NDUFS4: variants seen among roughly 807,000 people sequenced by gnomAD.
NDUFS4 encodes the protein NADH dehydrogenase [ubiquinone] iron-sulfur protein 4, mitochondrial.
In NDUFS4, 28 loss-of-function variants were observed where a neutral mutation model predicts 24.3. That is an observed-to-expected ratio of 1.15 (90% CI 0.85 to 1.58). The LOEUF is 1.58. NDUFS4 is among the 40% of genes most tolerant of loss of function. The pLI is 0.00. For missense variants in NDUFS4, 223 were observed against 207.9 expected (o/e 1.07, Z -0.45); for synonymous variants, 93 against 69.7 (o/e 1.34, Z -1.67).
At chr5:53,610,548 AC>A (rs1274713532) in intron 2 of NDUFS4, among the ~76,000 whole-genome samples, 12 of 151,490 alleles carry the variant, frequency 7.9e-5, no homozygotes, top group Admixed American at 6.6e-4. Context: ...ACATAAAAAA[AC>A]AAAAAAAAAG....
At chr5:53,598,398 A>G (rs528298395) in intron 1 of NDUFS4, among the ~76,000 whole-genome samples, 8 of 152,316 alleles carry the variant, frequency 5.3e-5, no homozygotes, top group African/African-American at 1.9e-4. Flanking sequence ...TTAAAGAAAA[A>G]CAGATTATTA....
chr5:53,580,655 T>C (rs899634214), intron 1 of NDUFS4, among the ~76,000 whole-genome samples: 2 of 148,130 alleles, frequency 1.4e-5, no homozygotes, highest in Non-Finnish European at 1.5e-5. Flanking sequence ...TTTTCTTTCT[T>C]TCTTTCTCTC....
chr5:53,567,525 C>T (rs955357523), intron 1 of NDUFS4, among the ~76,000 whole-genome samples: 11 of 151,844 alleles, frequency 7.2e-5, no homozygotes, highest in Admixed American at 2.0e-4. Flanking sequence ...TACTTTTTTA[C>T]GCTCTTAAAA....
At chr5:53,666,594 G>T (rs1485708980) in intron 4 of NDUFS4, among the ~76,000 whole-genome samples, 1 of 152,154 alleles carries the variant, frequency 6.6e-6, no homozygotes, top group East Asian at 1.9e-4. Flanking sequence ...CACAAAACCT[G>T]ACATATAATG....
At chr5:53,669,748 A>T (rs1375952111) in intron 4 of NDUFS4, among the ~76,000 whole-genome samples, 1 of 152,198 alleles carries the variant, frequency 6.6e-6, no homozygotes, top group African/African-American at 2.4e-5. Flanking sequence ...CTATTGGATT[A>T]TAAGAATTTA....
chr5:53,596,687 A>C (rs1750140997), intron 1 of NDUFS4, among the ~76,000 whole-genome samples: 1 of 152,210 alleles, frequency 6.6e-6, no homozygotes, highest in Non-Finnish European at 1.5e-5. Flanking sequence ...ATTTTATTTC[A>C]ATTAAAACTC....
chr5:53,654,560 C>T (rs1204574850), intron 3 of NDUFS4, among the ~76,000 whole-genome samples: 2 of 151,866 alleles, frequency 1.3e-5, no homozygotes, highest in Admixed American at 6.6e-5. Flanking sequence ...TTATGTATAT[C>T]TCCTATTTGC....
chr5:53,588,102 TGG>T (rs1293882210), intron 1 of NDUFS4, among the ~76,000 whole-genome samples: 1 of 152,158 alleles, frequency 6.6e-6, no homozygotes, highest in African/African-American at 2.4e-5. Context: ...GCAAATACCA[TGG>T]TAAAGCGAGT....
At chr5:53,646,455 A>G in intron 3 of NDUFS4, 50 bp downstream of exon 3, 2 of 1,572,202 alleles carry the variant, frequency 1.3e-6, no homozygotes, top group Non-Finnish European at 1.7e-6. Flanking sequence ...TTTTCTATGT[A>G]GATCTTTCTT....
At chr5:53,628,559 G>A (rs1194592599) in intron 2 of NDUFS4, among the ~76,000 whole-genome samples, 1 of 152,088 alleles carries the variant, frequency 6.6e-6, no homozygotes, top group Non-Finnish European at 1.5e-5. Flanking sequence ...TTTAGAATCC[G>A]TTATTGGTCT....
At chr5:53,653,066 A>G (rs1243581831) in intron 3 of NDUFS4, among the ~76,000 whole-genome samples, 1 of 152,102 alleles carries the variant, frequency 6.6e-6, no homozygotes, top group Non-Finnish European at 1.5e-5. Context: ...GTATTAATGT[A>G]CATTGGTCAT....
At position 53,591,836 on chromosome 5, in the gene NDUFS4, A is replaced by G. The variant is rs540854890; in HGVS notation, c.99-11616A>G. On this transcript the variant is annotated intron_variant, in intron 1 of 4. Coordinates refer to ENST00000296684, the MANE Select transcript of NDUFS4 (RefSeq NM_002495.4). Reference sequence around the variant, plus strand: ...GACATATGATATTGAGCACTTTTTCATATACTTATTTATCATCTGTATATC... The same window carrying G: ...GACATATGATATTGAGCACTTTTTCGTATACTTATTTATCATCTGTATATC... Among the ~76,000 whole-genome samples, 5 of 152,244 alleles carry G rather than the reference A, an allele frequency of 3.3e-5. No homozygotes were observed. In the East Asian group the frequency reaches 9.6e-4, roughly 29 times the overall value.
At chr5:53,622,039 T>C (rs1414874200) in intron 2 of NDUFS4, among the ~76,000 whole-genome samples, 4 of 152,192 alleles carry the variant, frequency 2.6e-5, no homozygotes, top group Non-Finnish European at 4.4e-5. Context: ...GTCTTTTAAA[T>C]AAATTTAGAA....
intron 1 of NDUFS4, among the ~76,000 whole-genome samples, chr5:53,569,756 G>C (rs1307072790): frequency 6.6e-6 from 1 of 152,162 alleles, no homozygotes; most frequent in Non-Finnish European, 1.5e-5. Flanking sequence ...CTTCAAGTCT[G>C]TGCTCCAGGC....
At chr5:53,603,292 C>T (rs1364971695) in intron 1 of NDUFS4, among the ~76,000 whole-genome samples, 160 bp from the exon 2 acceptor site, 1 of 150,636 alleles carries the variant, frequency 6.6e-6, no homozygotes, top group African/African-American at 2.4e-5. Context: ...GAACTAATTG[C>T]AGAGAAAAAG....
chr5:53,650,216 A>G (rs1044329484), intron 3 of NDUFS4, among the ~76,000 whole-genome samples: 1 of 152,232 alleles, frequency 6.6e-6, no homozygotes, highest in African/African-American at 2.4e-5. Context: ...TGCCTTGTAT[A>G]CGCTAAATTG....
At chr5:53,666,868 A>G (rs1752530182) in intron 4 of NDUFS4, among the ~76,000 whole-genome samples, 1 of 152,096 alleles carries the variant, frequency 6.6e-6, no homozygotes, top group Admixed American at 6.6e-5. Flanking sequence ...CACAAGGTGG[A>G]GGTTGCAGTG....
chr5:53,564,497 G>GT, intron 1 of NDUFS4, among the ~76,000 whole-genome samples: 1 of 152,270 alleles, frequency 6.6e-6, no homozygotes, highest in African/African-American at 2.4e-5. Flanking sequence ...CCCATACTTA[G>GT]TTTTCATCAG....
intron 4 of NDUFS4, among the ~76,000 whole-genome samples, chr5:53,673,222 C>T (rs984653441): frequency 6.6e-6 from 1 of 152,100 alleles, no homozygotes; most frequent in Non-Finnish European, 1.5e-5. Flanking sequence ...CAACTTTTCT[C>T]ATAGTTGACA....
Sources: gnomAD v4.1 joint callset for allele counts (sites outside exome capture counted in the v4.1 genomes callset) on GRCh38, gnomAD v4.1.1 for gene constraint, MANE v1.5 for transcripts, NCBI Gene and HGNC (gene_info 2026-07-23, HGNC 2026-07-21) for gene names.